The following CYFIP1 variants were observed in gnomAD, a reference collection of about 807,000 sequenced individuals.
CYFIP1 encodes cytoplasmic FMR1 interacting protein 1, also known as cytoplasmic FMR1-interacting protein 1.
CYFIP1 carries 58 observed loss-of-function variants against 163.5 expected under a neutral mutation model. The ratio of observed to expected loss-of-function variants is 0.35; its 90% CI spans 0.29 to 0.44. The LOEUF (loss-of-function observed/expected upper bound fraction) is 0.44. Among genes scored for constraint, CYFIP1 ranks in the 20% least tolerant of loss-of-function variants. The probability of loss-of-function intolerance (pLI) is 1.00; values close to 1 mark genes in which losing one functional copy is unlikely to be tolerated. For synonymous variants in CYFIP1, 663 were observed against 660.7 expected (o/e 1.00, Z -0.05); for missense variants, 1,338 against 1,653.8 (o/e 0.81, Z 3.31).
At position 22,939,512 on chromosome 15, in the gene CYFIP1, GA is replaced by G. The variant is rs1402387614; in HGVS notation, c.570-6del. ...TTACGTAAAAACTGAGCGGCCCTTT[GA>G]AAACAAAAAGAATTCATCCCAAAAT... On this transcript the variant is annotated splice_region_variant and splice_polypyrimidine_tract_variant and intron_variant, in intron 6 of 30. Coordinates refer to ENST00000617928, the MANE Select transcript of CYFIP1 (RefSeq NM_014608.6). 8.1e-7 allele frequency: 1 copy of G among 1,227,552 alleles called. No homozygotes were observed. 76.0% of individuals were successfully genotyped at this position (1,227,552 alleles called of 1,614,324 possible).
chr15:22,867,246 C>A lies in CYFIP1; in HGVS notation c.*2782G>T, dbSNP rs1566886016. ...GTAAGGCTTTTTTATTTTAAAAAAA[C>A]AGAGTTATCCCAATACATTATCCTG... On this transcript the variant is annotated 3_prime_UTR_variant, in exon 31 of 31. Transcript: ENST00000617928. 2 of 404,104 alleles carry A rather than the reference C, an allele frequency of 4.9e-6. No homozygotes were observed. Among genetic ancestry groups the A allele is most frequent in the East Asian group, 7.1e-5 (2 of 28,224 alleles). The allele number at this position is 404,104 out of a possible 1,614,324, so 25.0% of individuals were successfully genotyped here.
chr15:22,907,217 C>CT lies in CYFIP1; in HGVS notation c.2388+1976dup, dbSNP rs1203938286. On this transcript the variant is annotated intron_variant, in intron 21 of 30. Coordinates refer to ENST00000617928, the MANE Select transcript of CYFIP1 (RefSeq NM_014608.6). ...TGAAACCTGTTCTCATCTCAGGCAT[C>CT]TTTGAAGAGCTCTGTCTAAATTATT... 2.0e-5 allele frequency among the ~76,000 whole-genome samples: 3 copies of CT among 152,350 alleles called. No homozygotes were observed. In the East Asian group the frequency reaches 5.8e-4, roughly 29 times the overall value.
At chr15:22,939,557 TAAAAAAAAAAAA>T (rs56068008) in intron 6 of CYFIP1, 50 bp from the exon 7 acceptor site, 9 of 286,622 alleles carry the variant, frequency 3.1e-5, no homozygotes, top group African/African-American at 1.5e-4. Flanking sequence ...GTGCCACATT[TAAAAAAAAAAAA>T]AAAAAAAAAA....
intron 21 of CYFIP1, chr15:22,905,499 T>C (rs1403010448): frequency 2.0e-5 from 3 of 151,680 alleles, no homozygotes; most frequent in African/African-American, 4.8e-5. Flanking sequence ...CATTCCTTTT[T>C]TTTTTTTTTG....
intron 29 of CYFIP1, 89 bp from the exon 30 acceptor site, chr15:22,873,061 C>T (rs2059481881): frequency 1.4e-6 from 2 of 1,412,558 alleles, no homozygotes; most frequent in Admixed American, 1.9e-5. Context: ...AGTGACCAAG[C>T]CATCTGCATT....
At chr15:22,938,094 C>T (rs1337316300) in intron 8 of CYFIP1, among the ~76,000 whole-genome samples, 2 of 152,162 alleles carry the variant, frequency 1.3e-5, no homozygotes, top group South Asian at 2.1e-4. Flanking sequence ...AGCAAAGGGT[C>T]CCCCAAGGCC....
In CYFIP1 at chr15:22,967,358, T is replaced by A. The variant is rs576742970; in HGVS notation, c.-7+12929A>T. ...GGTGACTTCAGAGCACGCTCCCAGA[T>A]CTCACTAAATGAAATCACAAAGTTC... is the stretch of plus-strand genomic sequence containing the variant. On this transcript the variant is annotated intron_variant, in intron 1 of 30. Transcript: ENST00000617928. Among the ~76,000 whole-genome samples the A allele has an allele frequency of 4.2e-3, 640 of 152,292 alleles. 1 individual carries two copies. Among genetic ancestry groups the A allele is most frequent in the Admixed American group, 8.1e-3 (124 of 15,298 alleles).
intron 11 of CYFIP1, among the ~76,000 whole-genome samples, chr15:22,931,988 C>A (rs181605566): frequency 6.6e-6 from 1 of 152,324 alleles, no homozygotes; most frequent in East Asian, 1.9e-4. Context: ...CTGTACCCTG[C>A]AGCCTAGCTG....
chr15:22,933,851 G>C lies in CYFIP1; in HGVS notation c.943C>G (p.Leu315Val). 1 of 1,613,276 alleles carries C rather than the reference G, an allele frequency of 6.2e-7. No homozygotes were observed. The change falls in exon 10 of 31, where the codon CTG (leucine) becomes GTG (valine). Residue 315 changes from leucine to valine, a missense_variant. Around this residue, in one of 4 missense-constraint regions of CYFIP1, gnomAD observed 824 missense variants for 995.7 expected, o/e 0.83. Coordinates refer to ENST00000617928, the MANE Select transcript of CYFIP1 (RefSeq NM_014608.6). ...GCGCTGGTCTTGATATATCTTGCCA[G>C]TTCTATTTGCATGTCCCCAAATAGC... ...VPLFGDMQIE[L>V]ARYIKTSAHY...
intron 22 of CYFIP1, among the ~76,000 whole-genome samples, chr15:22,901,492 C>T (rs2060391395): frequency 6.6e-6 from 1 of 152,202 alleles, no homozygotes; most frequent in African/African-American, 2.4e-5. Context: ...CAGGTGCGCC[C>T]CGCTGAGGAC....
In CYFIP1 at chr15:22,892,908, C is replaced by T; in HGVS notation, c.2658G>A (p.Gln886=). The T allele has an allele frequency of 6.2e-7, 1 of 1,613,188 alleles. No homozygotes were observed. The highest frequency in any genetic ancestry group is 8.5e-7 in the Non-Finnish European group (1 of 1,179,146). ...AGCCTACCTTGGATCCATGCAGATA[C>T]TGAGGCTGTGCATTAGGCTGCTTAT... ...QRDKQPNAQP[Q]YLHGSKALNL... Residue 886 remains glutamine (Q), a synonymous_variant, in exon 23 of 31, where the codon CAG becomes CAA. Transcript: ENST00000617928.
intron 1 of CYFIP1, among the ~76,000 whole-genome samples, chr15:22,964,541 C>T (rs2062836654): frequency 6.6e-6 from 1 of 152,112 alleles, no homozygotes; most frequent in Admixed American, 6.5e-5. Context: ...TTTCCCCTGC[C>T]CGGCAGCTCC....
chr15:22,867,274 A>G lies in CYFIP1; in HGVS notation c.*2754T>C. ...AGTTATCCCAATACATTATCCTGTG[A>G]TTTACCTTACCTACAAAAGTGGCTC... is the stretch of plus-strand genomic sequence containing the variant. On this transcript the variant is annotated 3_prime_UTR_variant, in exon 31 of 31. Transcript: ENST00000617928. 2.5e-6 allele frequency: 1 copy of G among 398,942 alleles called. No homozygotes were observed. 24.7% of individuals were successfully genotyped at this position (398,942 alleles called of 1,614,324 possible).
intron 1 of CYFIP1, among the ~76,000 whole-genome samples, chr15:22,970,044 A>G (rs1367464945): frequency 3.3e-5 from 5 of 152,226 alleles, no homozygotes; most frequent in African/African-American, 1.2e-4. Flanking sequence ...GAATTCAGGG[A>G]AGTTGCAGGA....
chr15:22,888,056 T>C (rs2059974465), intron 23 of CYFIP1, among the ~76,000 whole-genome samples: 1 of 152,192 alleles, frequency 6.6e-6, no homozygotes, highest in Non-Finnish European at 1.5e-5. Context: ...CTCAAAAGGG[T>C]GTCTTACTGA....
chr15:22,895,249 C>T (rs1018700725), intron 22 of CYFIP1, among the ~76,000 whole-genome samples: 5 of 152,052 alleles, frequency 3.3e-5, no homozygotes, highest in African/African-American at 1.2e-4. Flanking sequence ...CTCCTGACCT[C>T]GTGATCTGTC....
intron 17 of CYFIP1, among the ~76,000 whole-genome samples, chr15:22,913,605 T>TAAAAA (rs33967385): frequency 1.5e-5 from 1 of 66,994 alleles, no homozygotes; most frequent in Non-Finnish European, 2.7e-5. Flanking sequence ...TAGACAGCAT[T>TAAAAA]AAAAAAAAAA....
chr15:22,912,364 A>AT, intron 17 of CYFIP1, 89 bp from the exon 18 acceptor site: 2 of 963,690 alleles, frequency 2.1e-6, no homozygotes, highest in South Asian at 1.6e-5. Context: ...ACTCAACTCC[A>AT]TTTTCCACCT....
intron 6 of CYFIP1, among the ~76,000 whole-genome samples, chr15:22,941,918 T>TA (rs1253441187): frequency 4.6e-5 from 7 of 152,154 alleles, no homozygotes; most frequent in Admixed American, 3.3e-4. Context: ...GAAGGCTGCT[T>TA]AAAATCACAC....
Sources: gnomAD v4.1 joint callset for allele counts (sites outside exome capture counted in the v4.1 genomes callset) on GRCh38, gnomAD v4.1.1 for gene constraint, gnomAD v4.1.1 regional missense constraint, MANE v1.5 for transcripts, NCBI Gene and HGNC (gene_info 2026-07-23, HGNC 2026-07-21) for gene names.